The following NLGN1 variants were observed in gnomAD, a reference collection of about 807,000 sequenced individuals.
NLGN1 encodes the protein neuroligin 1.
Under a neutral mutation model 65.5 loss-of-function variants are expected in NLGN1, and 12 were observed. That is an observed-to-expected ratio of 0.18 (90% CI 0.12 to 0.30). NLGN1 has a LOEUF of 0.30. NLGN1 is among the 10% of genes least tolerant of loss of function. NLGN1 has a pLI of 1.00. For synonymous variants in NLGN1, 350 were observed against 359.5 expected (o/e 0.97, Z 0.30); for missense variants, 750 against 1,007.1 (o/e 0.74, Z 3.46).
intron 4 of NLGN1, among the ~76,000 whole-genome samples, chr3:174,272,652 TGG>T (rs1447094252): frequency 7.5e-6 from 1 of 132,800 alleles, no homozygotes; most frequent in African/African-American, 2.8e-5. Flanking sequence ...ATGATATGGA[TGG>T]ATGGATGGAT....
chr3:173,627,793 T>C (rs1248308384), intron 3 of NLGN1, among the ~76,000 whole-genome samples: 1 of 152,052 alleles, frequency 6.6e-6, no homozygotes, highest in Admixed American at 6.6e-5. Flanking sequence ...GACTTATGCT[T>C]TAAGTTATTC....
intron 3 of NLGN1, among the ~76,000 whole-genome samples, chr3:173,709,463 A>C (rs1768572138): frequency 6.6e-6 from 1 of 152,180 alleles, no homozygotes; most frequent in Non-Finnish European, 1.5e-5. Context: ...CTAATGATTA[A>C]TCTTGTACAG....
rs111427276 is a variant in NLGN1 at position 173,762,965 on chromosome 3, T to TACACACACACACACACACAC, written c.494-44699_494-44680dup. Among the ~76,000 whole-genome samples, 522 of 143,346 alleles carry TACACACACACACACACACAC rather than the reference T, an allele frequency of 3.6e-3. 5 individuals carry two copies. Among genetic ancestry groups the TACACACACACACACACACAC allele is most frequent in the African/African-American group, 0.011 (435 of 38,804 alleles). 94.0% of individuals were successfully genotyped at this position (143,346 alleles called of 152,430 possible). On this transcript the variant is annotated intron_variant, in intron 3 of 6. Coordinates refer to ENST00000457714, the Ensembl canonical transcript of NLGN1. ...TGGGATTGTGTAAATTTGTCTCTGA[T>TACACACACACACACACACAC]ACACACACACACACACACACACACA...
At chr3:173,501,348 CAG>C (rs1215186358) in intron 2 of NLGN1, among the ~76,000 whole-genome samples, 2 of 152,062 alleles carry the variant, frequency 1.3e-5, no homozygotes, top group Admixed American at 6.6e-5. Flanking sequence ...AAGTGTATCT[CAG>C]AGTTTTAAAC....
intron 2 of NLGN1, among the ~76,000 whole-genome samples, chr3:173,505,182 T>G (rs546966156): frequency 6.6e-6 from 1 of 152,198 alleles, no homozygotes; most frequent in African/African-American, 2.4e-5. Flanking sequence ...GATGCCCAAC[T>G]TTTTCATCTT....
At position 173,419,020 on chromosome 3, in the gene NLGN1, C is replaced by CTTTTTTTTTT. The variant is rs59051811; in HGVS notation, c.-389-15965_-389-15956dup. 1.2e-3 allele frequency among the ~76,000 whole-genome samples: 15 copies of CTTTTTTTTTT among 12,262 alleles called. 1 individual carries two copies. The highest frequency in any genetic ancestry group is 1.5e-3 in the Admixed American group (1 of 684). 8.0% of individuals were successfully genotyped at this position (12,262 alleles called of 152,430 possible). On this transcript the variant is annotated intron_variant, in intron 1 of 6. Coordinates refer to ENST00000457714, the Ensembl canonical transcript of NLGN1. Reference sequence around the variant, plus strand: ...TCTGTTCTTTAGCTTTCTTCTTCTTCTTTTTTTTTTTTTTTTTTTTTTTTT... The same window carrying CTTTTTTTTTT: ...TCTGTTCTTTAGCTTTCTTCTTCTTCTTTTTTTTTTTTTTTTTTTTTTTTTTTTTTTTTTT...
At chr3:173,453,497 A>T (rs1418954516) in intron 2 of NLGN1, among the ~76,000 whole-genome samples, 1 of 152,140 alleles carries the variant, frequency 6.6e-6, no homozygotes, top group Non-Finnish European at 1.5e-5. Flanking sequence ...TACCCACAGT[A>T]GAACTTCTTT....
intron 3 of NLGN1, among the ~76,000 whole-genome samples, chr3:173,629,874 A>T (rs1021671132): frequency 1.3e-5 from 2 of 152,212 alleles, no homozygotes; most frequent in African/African-American, 4.8e-5. Context: ...TTCATTGAAT[A>T]TGCTTCTAAA....
At chr3:173,992,966 A>G (rs965971937) in intron 4 of NLGN1, among the ~76,000 whole-genome samples, 1 of 152,218 alleles carries the variant, frequency 6.6e-6, no homozygotes, top group Non-Finnish European at 1.5e-5. Context: ...ATCTGAAGCA[A>G]TTAAAATTAA....
At chr3:173,797,096 G>T (rs1457578927) in intron 3 of NLGN1, among the ~76,000 whole-genome samples, 2 of 152,082 alleles carry the variant, frequency 1.3e-5, no homozygotes, top group Non-Finnish European at 2.9e-5. Flanking sequence ...AGGGAATCTT[G>T]AGATCATGTA....
intron 4 of NLGN1, among the ~76,000 whole-genome samples, chr3:174,009,121 A>T (rs1047768727): frequency 1.3e-5 from 2 of 152,154 alleles, no homozygotes; most frequent in Admixed American, 6.5e-5. Context: ...TGGTTCATAG[A>T]TGGAGGTCTC....
intron 4 of NLGN1, among the ~76,000 whole-genome samples, chr3:174,103,702 T>C (rs1561049538): frequency 6.6e-6 from 1 of 152,110 alleles, no homozygotes; most frequent in Non-Finnish European, 1.5e-5. Flanking sequence ...AACATAAAGA[T>C]ATTATTACCT....
At chr3:173,489,184 A>G (rs1728667722) in intron 2 of NLGN1, among the ~76,000 whole-genome samples, 1 of 152,026 alleles carries the variant, frequency 6.6e-6, no homozygotes. Flanking sequence ...TGTTGCACCA[A>G]TTAACTCATC....
intron 1 of NLGN1, among the ~76,000 whole-genome samples, chr3:173,426,597 C>T (rs1396982680): frequency 6.6e-6 from 1 of 151,642 alleles, no homozygotes; most frequent in African/African-American, 2.4e-5. Context: ...GGTTTTTGTC[C>T]TTCAGTCTGT....
chr3:173,953,776 T>G (rs1748674043), intron 4 of NLGN1, among the ~76,000 whole-genome samples: 1 of 152,140 alleles, frequency 6.6e-6, no homozygotes, highest in Non-Finnish European at 1.5e-5. Context: ...ACTCCTGGAC[T>G]CAAGCTATCC....
intron 4 of NLGN1, among the ~76,000 whole-genome samples, chr3:174,139,981 A>G (rs1721998551): frequency 1.3e-5 from 2 of 152,016 alleles, no homozygotes; most frequent in Admixed American, 6.6e-5. Context: ...TTCTTTGTAT[A>G]TTTTAGATAA....
At chr3:173,733,332 C>A (rs1170394134) in intron 3 of NLGN1, among the ~76,000 whole-genome samples, 1 of 152,062 alleles carries the variant, frequency 6.6e-6, no homozygotes, top group Non-Finnish European at 1.5e-5. Context: ...GGGGTAATTA[C>A]ATTTTAGAAG....
intron 2 of NLGN1, among the ~76,000 whole-genome samples, chr3:173,451,812 C>G (rs576270682): frequency 2.6e-4 from 40 of 152,316 alleles, no homozygotes; most frequent in African/African-American, 9.4e-4. Context: ...TCTCAGACTG[C>G]TATGCTAGCA....
intron 4 of NLGN1, among the ~76,000 whole-genome samples, chr3:173,949,776 C>T (rs1424459253): frequency 2.6e-5 from 4 of 152,036 alleles, no homozygotes; most frequent in African/African-American, 9.7e-5. Context: ...GTGAGTTTAC[C>T]AGTGTTGCTG....
Sources: gnomAD v4.1 joint callset for allele counts (sites outside exome capture counted in the v4.1 genomes callset) on GRCh38, gnomAD v4.1.1 for gene constraint, MANE v1.5 for transcripts, NCBI Gene and HGNC (gene_info 2026-07-23, HGNC 2026-07-21) for gene names.